The following ABI2 variants were observed in gnomAD, a reference collection of about 807,000 sequenced individuals.
The protein encoded by ABI2 is abelson interactor 2.
ABI2 carries 25 observed loss-of-function variants against 59.2 expected under a neutral mutation model. That is an observed-to-expected ratio of 0.42 (90% CI 0.31 to 0.59). The LOEUF (loss-of-function observed/expected upper bound fraction) is 0.59, where lower values mean the gene tolerates loss of function less well. ABI2 is among the 20% of genes least tolerant of loss of function. The probability of loss-of-function intolerance (pLI) is 0.14; values close to 1 mark genes in which losing one functional copy is unlikely to be tolerated. For synonymous variants in ABI2, 213 were observed against 235.5 expected, an observed-to-expected ratio of 0.90 and a Z score of 0.87; for missense variants, 545 against 681.8, an observed-to-expected ratio of 0.80 and a Z score of 2.23.
intron 11 of ABI2, among the ~76,000 whole-genome samples, chr2:203,420,330 A>G (rs1287413136): frequency 6.6e-6 from 1 of 151,912 alleles, no homozygotes. Context: ...GCTTTTAGCT[A>G]GAAGTATAAA....
chr2:203,377,710 T>G (rs2095804773), intron 2 of ABI2, among the ~76,000 whole-genome samples: 1 of 152,182 alleles, frequency 6.6e-6, no homozygotes, highest in South Asian at 2.1e-4. Context: ...GTTCAAGACC[T>G]GCCTGGGCAA....
chr2:203,420,298 G>T (rs1032815906), intron 11 of ABI2, among the ~76,000 whole-genome samples: 1 of 151,708 alleles, frequency 6.6e-6, no homozygotes, highest in Non-Finnish European at 1.5e-5. Context: ...CTATTCTTTT[G>T]TTCTTCTGGC....
intron 1 of ABI2, among the ~76,000 whole-genome samples, chr2:203,350,454 A>G (rs1032289916): frequency 2.0e-5 from 3 of 152,016 alleles, no homozygotes; most frequent in Non-Finnish European, 4.4e-5. Flanking sequence ...GGCTCAAGCA[A>G]GCCTCCAGCC....
chr2:203,380,199 A>G lies in ABI2; in HGVS notation c.286-9A>G, dbSNP rs1402441476. On this transcript the variant is annotated splice_polypyrimidine_tract_variant and intron_variant, in intron 2 of 11. Coordinates refer to ENST00000261018, the MANE Select transcript of ABI2 (RefSeq NM_001375670.1). ...ATTTTTGTGTTGTTTTTTACATTAT[A>G]TTTTGCAGACAGTTGATATTCATAA... is the stretch of plus-strand genomic sequence containing the variant. The G allele has an allele frequency of 1.9e-6, 3 of 1,540,250 alleles. No homozygotes were observed. Among genetic ancestry groups the G allele is most frequent in the African/African-American group, 1.4e-5 (1 of 71,582 alleles).
intron 1 of ABI2, among the ~76,000 whole-genome samples, chr2:203,349,799 T>C (rs1183808078): frequency 6.6e-6 from 1 of 152,156 alleles, no homozygotes; most frequent in South Asian, 2.1e-4. Flanking sequence ...ATTGACATTC[T>C]GATTTTTCCA....
chr2:203,362,878 CTGGAGTGCAGT>C (rs2093719374), intron 1 of ABI2, among the ~76,000 whole-genome samples: 1 of 152,024 alleles, frequency 6.6e-6, no homozygotes. Context: ...GTTGCCCAGA[CTGGAGTGCAGT>C]GACCTGATCT....
chr2:203,376,196 C>T (rs1207988021), intron 2 of ABI2: 12 of 1,271,130 alleles, frequency 9.4e-6, no homozygotes, highest in Non-Finnish European at 1.3e-5. Flanking sequence ...GGAAGTTTTG[C>T]CCCCAAGGGG....
chr2:203,421,424 GA>G (rs2098199657), intron 11 of ABI2, among the ~76,000 whole-genome samples: 1 of 152,128 alleles, frequency 6.6e-6, no homozygotes, highest in Admixed American at 6.5e-5. Context: ...AAATTTTGTT[GA>G]AAGCAAAGGA....
chr2:203,405,707 T>C (rs1171919396), intron 9 of ABI2, among the ~76,000 whole-genome samples: 1 of 149,744 alleles, frequency 6.7e-6, no homozygotes, highest in African/African-American at 2.5e-5. Flanking sequence ...TTTTATGAGC[T>C]TTTTTTTTGG....
At chr2:203,364,092 T>A (rs1481976925) in intron 1 of ABI2, among the ~76,000 whole-genome samples, 1 of 129,672 alleles carries the variant, frequency 7.7e-6, no homozygotes, top group Non-Finnish European at 1.6e-5. Flanking sequence ...TCCATTCATC[T>A]TTTTTTTTTT....
chr2:203,328,979 G>C (rs2070659366), intron 1 of ABI2: 1 of 191,826 alleles, frequency 5.2e-6, no homozygotes, highest in Non-Finnish European at 1.0e-5. Context: ...ACGGAATCCT[G>C]CTCCCCACCT....
At chr2:203,367,774 G>A (rs2094599358) in intron 2 of ABI2, among the ~76,000 whole-genome samples, 1 of 152,034 alleles carries the variant, frequency 6.6e-6, no homozygotes, top group African/African-American at 2.4e-5. Flanking sequence ...AGGCTGAGGT[G>A]GGAGGATCGC....
At chr2:203,383,222 A>T (rs1240211372) in intron 4 of ABI2, 1 of 154,746 alleles carries the variant, frequency 6.5e-6, no homozygotes, top group East Asian at 1.9e-4. Flanking sequence ...AGGCCACACA[A>T]CTTTCCCCTG....
At chr2:203,331,784 T>C (rs1345132114) in intron 1 of ABI2, among the ~76,000 whole-genome samples, 1 of 151,074 alleles carries the variant, frequency 6.6e-6, no homozygotes, top group East Asian at 1.9e-4. Flanking sequence ...TTATCATGTG[T>C]AATAAGTGTT....
intron 1 of ABI2, among the ~76,000 whole-genome samples, chr2:203,338,943 TATATATATATATATATATAA>T (rs1337166793): frequency 7.4e-5 from 1 of 13,436 alleles, no homozygotes; most frequent in African/African-American, 3.0e-4. Context: ...TGTATATATA[TATATATATATATATATATAA>T]ATATATATAT....
intron 11 of ABI2, among the ~76,000 whole-genome samples, chr2:203,417,510 A>G: frequency 6.6e-6 from 1 of 152,220 alleles, no homozygotes; most frequent in Non-Finnish European, 1.5e-5. Context: ...TTTGCCAAGT[A>G]ATATTGGGCA....
At chr2:203,375,306 T>C (rs1222911733) in intron 2 of ABI2, among the ~76,000 whole-genome samples, 5 of 152,206 alleles carry the variant, frequency 3.3e-5, no homozygotes, top group Non-Finnish European at 1.5e-5. Flanking sequence ...TTTGAATTAG[T>C]TTTGGTCATC....
chr2:203,410,246 T>C (rs1334735774), intron 9 of ABI2, among the ~76,000 whole-genome samples: 3 of 152,216 alleles, frequency 2.0e-5, no homozygotes, highest in Non-Finnish European at 4.4e-5. Flanking sequence ...TTCTTCTGTT[T>C]CAATAGAATG....
chr2:203,377,861 G>A lies in ABI2; in HGVS notation c.286-2347G>A, dbSNP rs1482191581. Among the ~76,000 whole-genome samples, 3 of 152,166 alleles carry A rather than the reference G, an allele frequency of 2.0e-5. No homozygotes were observed. In the East Asian group the frequency reaches 5.8e-4, roughly 29 times the overall value. On this transcript the variant is annotated intron_variant, in intron 2 of 11. Coordinates refer to ENST00000261018, the MANE Select transcript of ABI2 (RefSeq NM_001375670.1). Reference sequence around the variant, plus strand: ...GTCGAGGATGCAGTGAGCCATGATCGGGCCAGTCCACTCCAGCCTGGGCGA... The same window carrying A: ...GTCGAGGATGCAGTGAGCCATGATCAGGCCAGTCCACTCCAGCCTGGGCGA...
Sources: allele counts gnomAD v4.1 joint callset (sites outside exome capture counted in the v4.1 genomes callset), GRCh38; gene constraint gnomAD v4.1.1; transcripts MANE v1.5; gene names NCBI Gene and HGNC (gene_info 2026-07-23, HGNC 2026-07-21).